The following ZNF827 variants were observed in gnomAD, a reference collection of about 807,000 sequenced individuals.
The protein encoded by ZNF827 is zinc finger protein 827.
In ZNF827, 13 loss-of-function variants were observed where a neutral mutation model predicts 102.4. The ratio of observed to expected loss-of-function variants is 0.13; its 90% CI spans 0.08 to 0.20. The LOEUF is 0.20. Ranked by LOEUF, ZNF827 falls within the 10% of genes least tolerant of loss-of-function variation. The pLI is 1.00. For missense variants in ZNF827, 1,103 were observed against 1,344.4 expected (o/e 0.82, Z 2.81); for synonymous variants, 523 against 536.2 (o/e 0.98, Z 0.34).
At chr4:145,837,956 G>A (rs1304724097) in intron 7 of ZNF827, among the ~76,000 whole-genome samples, 5 of 151,582 alleles carry the variant, frequency 3.3e-5, no homozygotes, top group African/African-American at 9.7e-5. Flanking sequence ...GAGAAACATC[G>A]CCCATTCTCT....
chr4:145,937,506 G>A (rs1237940994), intron 1 of ZNF827, among the ~76,000 whole-genome samples: 2 of 148,352 alleles, frequency 1.3e-5, no homozygotes, highest in African/African-American at 4.9e-5. Context: ...TCGCCTCGGC[G>A]CAGCTCCCGC....
intron 5 of ZNF827, among the ~76,000 whole-genome samples, chr4:145,868,306 G>A (rs1360528669): frequency 6.6e-6 from 1 of 152,200 alleles, no homozygotes; most frequent in Non-Finnish European, 1.5e-5. Flanking sequence ...GGGCTGTGAT[G>A]CATATCTCTT....
At chr4:145,837,681 A>C (rs1048073202) in intron 7 of ZNF827, among the ~76,000 whole-genome samples, 2 of 152,194 alleles carry the variant, frequency 1.3e-5, no homozygotes, top group African/African-American at 4.8e-5. Flanking sequence ...TGGCAGGACT[A>C]TGCCGAATCT....
chr4:145,806,147 CTTTTTTTT>C (rs11364915), intron 8 of ZNF827, among the ~76,000 whole-genome samples: 4 of 77,368 alleles, frequency 5.2e-5, no homozygotes, highest in African/African-American at 1.6e-4. Flanking sequence ...AATAAATGAA[CTTTTTTTT>C]TTTTTTTTTT....
chr4:145,781,329 G>C (rs1384411993), intron 8 of ZNF827, among the ~76,000 whole-genome samples: 1 of 150,948 alleles, frequency 6.6e-6, no homozygotes, highest in East Asian at 1.9e-4. Context: ...CCCAAATACA[G>C]GCTTCCACCT....
chr4:145,799,688 A>G (rs1039342323), intron 8 of ZNF827, among the ~76,000 whole-genome samples: 1 of 152,116 alleles, frequency 6.6e-6, no homozygotes, highest in Admixed American at 6.5e-5. Flanking sequence ...AACACTGTCA[A>G]TCTCCTTACC....
At chr4:145,864,971 G>A (rs1434525009) in intron 5 of ZNF827, among the ~76,000 whole-genome samples, 1 of 152,098 alleles carries the variant, frequency 6.6e-6, no homozygotes, top group Non-Finnish European at 1.5e-5. Context: ...ATTTTCCAAG[G>A]GAAAATACCA....
intron 8 of ZNF827, among the ~76,000 whole-genome samples, chr4:145,786,356 T>C (rs760145631): frequency 1.3e-5 from 2 of 152,230 alleles, no homozygotes; most frequent in Non-Finnish European, 2.9e-5. Context: ...GAAGGCTTTA[T>C]TTGGCGACAG....
intron 1 of ZNF827, among the ~76,000 whole-genome samples, chr4:145,908,133 G>T (rs1362532033): frequency 6.6e-6 from 1 of 151,984 alleles, no homozygotes; most frequent in Non-Finnish European, 1.5e-5. Context: ...GAGCATCCTC[G>T]TTCAGAAAGA....
At chr4:145,791,876 G>A (rs1382189959) in intron 8 of ZNF827, among the ~76,000 whole-genome samples, 1 of 152,178 alleles carries the variant, frequency 6.6e-6, no homozygotes, top group Non-Finnish European at 1.5e-5. Context: ...AAATCAGCTT[G>A]TTCTTACATA....
At chr4:145,776,592 G>C (rs183640236) in intron 9 of ZNF827, among the ~76,000 whole-genome samples, 1 of 151,916 alleles carries the variant, frequency 6.6e-6, no homozygotes, top group Non-Finnish European at 1.5e-5. Context: ...TTCTGTGAGT[G>C]AGCAAGTGTG....
At chr4:145,929,583 T>C (rs1019889873) in intron 1 of ZNF827, among the ~76,000 whole-genome samples, 3 of 152,086 alleles carry the variant, frequency 2.0e-5, no homozygotes, top group Non-Finnish European at 4.4e-5. Flanking sequence ...AGCCCTACAA[T>C]AATAGCCTTG....
At position 145,844,677 on chromosome 4, in the gene ZNF827, CAAATAAATAAATAAATAAATAAAT is replaced by C. The variant is rs72118300; in HGVS notation, c.2279+1255_2279+1278del. On this transcript the variant is annotated intron_variant, in intron 7 of 14. Transcript: ENST00000508784. ...CCTGGGAAACAGAGTGAGACTGTCT[CAAATAAATAAATAAATAAATAAAT>C]AAATAAATAAATAAATAAATAAATA... 4.0e-4 allele frequency among the ~76,000 whole-genome samples: 52 copies of C among 128,474 alleles called. No homozygotes were observed. In the East Asian group the frequency reaches 4.4e-3, roughly 11 times the overall value. The allele number at this position is 128,474 out of a possible 152,430, so 84.3% of individuals were successfully genotyped here.
chr4:145,934,697 A>G (rs530208711), intron 1 of ZNF827, among the ~76,000 whole-genome samples: 3 of 152,290 alleles, frequency 2.0e-5, no homozygotes, highest in Admixed American at 2.0e-4. Flanking sequence ...GTGTAGTGGG[A>G]GGACTTTGGG....
chr4:145,869,903 A>G (rs1393361547), intron 5 of ZNF827, among the ~76,000 whole-genome samples: 1 of 152,242 alleles, frequency 6.6e-6, no homozygotes, highest in African/African-American at 2.4e-5. Context: ...CTATTAGGAA[A>G]GAATAGATAT....
intron 5 of ZNF827, among the ~76,000 whole-genome samples, chr4:145,853,068 A>C (rs1172557854): frequency 6.6e-6 from 1 of 152,250 alleles, no homozygotes; most frequent in Non-Finnish European, 1.5e-5. Context: ...GCTCCAAAGA[A>C]AGTTCAATCA....
chr4:145,766,320 G>A (rs995057442), intron 11 of ZNF827, among the ~76,000 whole-genome samples: 1 of 152,186 alleles, frequency 6.6e-6, no homozygotes, highest in Non-Finnish European at 1.5e-5. Flanking sequence ...ACTCAAGAGA[G>A]CGCGTCAGGG....
At chr4:145,894,580 C>A (rs1750838673) in intron 2 of ZNF827, among the ~76,000 whole-genome samples, 1 of 152,178 alleles carries the variant, frequency 6.6e-6, no homozygotes, top group South Asian at 2.1e-4. Flanking sequence ...TCCAAAAATG[C>A]AGTTTTACTA....
At chr4:145,910,620 C>T (rs1002186874) in intron 1 of ZNF827, among the ~76,000 whole-genome samples, 18 of 152,174 alleles carry the variant, frequency 1.2e-4, no homozygotes, top group African/African-American at 4.3e-4. Flanking sequence ...AACTGGTCTC[C>T]TCACTTCCCA....
Sources: gnomAD v4.1 joint callset for allele counts (sites outside exome capture counted in the v4.1 genomes callset) on GRCh38, gnomAD v4.1.1 for gene constraint, MANE v1.5 for transcripts, NCBI Gene and HGNC (gene_info 2026-07-23, HGNC 2026-07-21) for gene names.